The following IKZF1 variants were observed in gnomAD, a reference collection of about 807,000 sequenced individuals.
The protein encoded by IKZF1 is IKAROS family zinc finger 1, also known as DNA-binding protein Ikaros.
A neutral mutation model predicts 51.7 loss-of-function variants in IKZF1; 10 were observed. The observed-to-expected ratio is 0.19, with a 90% CI of 0.12 to 0.33. The LOEUF is 0.33. IKZF1 is among the 10% of genes least tolerant of loss of function. The pLI is 1.00. For missense variants in IKZF1, 484 were observed against 707.5 expected, an observed-to-expected ratio of 0.68 and a Z score of 3.58; for synonymous variants, 280 against 282.3, an observed-to-expected ratio of 0.99 and a Z score of 0.08.
chr7:50,327,456 G>T, intron 2 of IKZF1, 182 bp from the exon 3 acceptor site: 1 of 563,692 alleles, frequency 1.8e-6, no homozygotes, highest in South Asian at 3.0e-5. Flanking sequence ...TCTCTCATTT[G>T]TATTGTGTGG....
intron 1 of IKZF1, among the ~76,000 whole-genome samples, chr7:50,311,964 A>T (rs1790282300): frequency 6.6e-6 from 1 of 152,024 alleles, no homozygotes; most frequent in South Asian, 2.1e-4. Context: ...GTAAATTACC[A>T]AAAAAATAAT....
At chr7:50,399,193 C>T (rs757149892) in intron 7 of IKZF1, among the ~76,000 whole-genome samples, 1 of 152,196 alleles carries the variant, frequency 6.6e-6, no homozygotes, top group Non-Finnish European at 1.5e-5. Flanking sequence ...GCTGTGCCTC[C>T]TACCCTCCAC....
chr7:50,388,398 T>C (rs1814048534), intron 6 of IKZF1: 1 of 152,214 alleles, frequency 6.6e-6, no homozygotes, highest in Non-Finnish European at 1.5e-5. Flanking sequence ...AGATTATTAA[T>C]GGCAGATGAG....
At position 50,401,517 on chromosome 7, in the gene IKZF1, T is replaced by A. The variant is rs1818126303; in HGVS notation, c.*890T>A. On this transcript the variant is annotated 3_prime_UTR_variant, in exon 8 of 8. Coordinates refer to ENST00000331340, the MANE Select transcript of IKZF1 (RefSeq NM_006060.6). ...AACACCAGTCCCGAAATTTGGATCT[T>A]CTTTCTTTTTGAATCTCTCAAACGG... 1 of 224,116 alleles carries A rather than the reference T, an allele frequency of 4.5e-6. No individual in the cohort carries two copies. The highest frequency in any genetic ancestry group is 5.7e-5 in the Admixed American group (1 of 17,432). 13.9% of individuals were successfully genotyped at this position (224,116 alleles called of 1,614,324 possible). A position where few individuals can be genotyped will look rare whatever the true frequency, so the allele number is the denominator to read the frequency against.
intron 1 of IKZF1, among the ~76,000 whole-genome samples, chr7:50,315,939 G>A (rs1791439533): frequency 6.6e-6 from 1 of 152,206 alleles, no homozygotes. Context: ...ACAAAGGAGT[G>A]TGACAGGACT....
At chr7:50,397,125 T>C (rs574918282) in intron 7 of IKZF1, among the ~76,000 whole-genome samples, 11 of 152,350 alleles carry the variant, frequency 7.2e-5, no homozygotes, top group Middle Eastern at 3.4e-3. Context: ...ACCTAAAGAT[T>C]TGGAAATGAG....
intron 3 of IKZF1, among the ~76,000 whole-genome samples, chr7:50,359,103 A>T (rs977663785): frequency 3.0e-4 from 46 of 152,090 alleles, no homozygotes; most frequent in African/African-American, 1.1e-3. Context: ...CTACAAAAAA[A>T]TACAAAAATT....
chr7:50,356,547 G>A (rs1193253098), intron 3 of IKZF1, among the ~76,000 whole-genome samples: 3 of 152,200 alleles, frequency 2.0e-5, no homozygotes, highest in Admixed American at 1.3e-4. Context: ...GTGTGTCTGT[G>A]TGTGCACGGC....
At chr7:50,370,237 CCAAA>C (rs1308986442) in intron 3 of IKZF1, among the ~76,000 whole-genome samples, 8 of 152,052 alleles carry the variant, frequency 5.3e-5, no homozygotes, top group East Asian at 1.9e-4. Flanking sequence ...GTTCTGAGTA[CCAAA>C]CATTTACTTT....
chr7:50,363,652 A>G (rs1391720437), intron 3 of IKZF1, among the ~76,000 whole-genome samples: 1 of 152,236 alleles, frequency 6.6e-6, no homozygotes, highest in African/African-American at 2.4e-5. Context: ...GATGGCAGCC[A>G]GTGTTCTCTT....
In IKZF1 at chr7:50,400,056, T is replaced by C; in HGVS notation, c.989T>C (p.Leu330Pro). 6 of 1,605,930 alleles carry C rather than the reference T, an allele frequency of 3.7e-6. No homozygotes were observed. The highest frequency in any genetic ancestry group is 5.1e-6 in the Non-Finnish European group (6 of 1,176,830). ...CTGGGGGCCGAGTCCCTGCGCCCGC[T>C]GGTGCAGACGCCCCCGGGCGGTTCC... Reference protein sequence around the residue: ...NYLGAESLRPLVQTPPGGSEV... With the variant: ...NYLGAESLRPPVQTPPGGSEV... The change falls in exon 8 of 8, where the codon CTG becomes CCG. Residue 330 changes from leucine (L) to proline (P), a missense_variant. Physicochemically the swap from Leu to Pro is moderately conservative, Grantham distance 98. Transcript: ENST00000331340. The surrounding 1 kb of genome is among the most constrained non-coding windows in gnomAD (Gnocchi z 5.4).
chr7:50,403,813 CT>C lies in IKZF1; in HGVS notation c.*3192del. On this transcript the variant is annotated 3_prime_UTR_variant, in exon 8 of 8. Transcript: ENST00000331340. ...TGGTTCCCCACCGACCATTTTTGTG[CT>C]TTTTTCTTGTTTTGTTTTGTTTTGA... is the stretch of plus-strand genomic sequence containing the variant. 1 of 225,034 alleles carries C rather than the reference CT, an allele frequency of 4.4e-6. No homozygotes were observed. The highest frequency in any genetic ancestry group is 8.9e-6 in the Non-Finnish European group (1 of 112,526). 13.9% of individuals were successfully genotyped at this position (225,034 alleles called of 1,614,324 possible).
intron 2 of IKZF1, among the ~76,000 whole-genome samples, chr7:50,326,012 T>C (rs1794908696): frequency 6.6e-6 from 1 of 152,224 alleles, no homozygotes; most frequent in Non-Finnish European, 1.5e-5. Context: ...ACAGCTAAGC[T>C]GGAATATTAA....
At chr7:50,372,167 C>A (rs141976178) in intron 3 of IKZF1, among the ~76,000 whole-genome samples, 2 of 152,336 alleles carry the variant, frequency 1.3e-5, no homozygotes, top group African/African-American at 4.8e-5. Flanking sequence ...GGATAAGAGA[C>A]CCCCGTTTTC....
intron 3 of IKZF1, among the ~76,000 whole-genome samples, chr7:50,372,210 C>T (rs947225695): frequency 6.6e-6 from 1 of 152,210 alleles, no homozygotes; most frequent in African/African-American, 2.4e-5. Context: ...CAGAAGTCTC[C>T]TGATCTTGTC....
intron 3 of IKZF1, among the ~76,000 whole-genome samples, chr7:50,344,988 T>C (rs1799998297): frequency 1.3e-5 from 2 of 151,740 alleles, no homozygotes; most frequent in South Asian, 4.2e-4. Context: ...CCATTAAAAG[T>C]AATAGCAAAA....
At chr7:50,379,321 G>A (rs1811185909) in intron 4 of IKZF1, among the ~76,000 whole-genome samples, 3 of 152,214 alleles carry the variant, frequency 2.0e-5, no homozygotes, top group African/African-American at 2.4e-5. Context: ...CCTGCCCATG[G>A]CTGAGTCAGC....
intron 5 of IKZF1, 58 bp downstream of exon 5, chr7:50,382,765 G>C: frequency 6.5e-7 from 1 of 1,534,240 alleles, no homozygotes; most frequent in Non-Finnish European, 8.7e-7. Context: ...CCTCCACTCT[G>C]CCCGCCTGGG....
chr7:50,347,666 C>T (rs185624754), intron 3 of IKZF1, among the ~76,000 whole-genome samples: 68 of 152,184 alleles, frequency 4.5e-4, no homozygotes, highest in African/African-American at 1.5e-3. Context: ...TTTTTATTTT[C>T]GTGAGTGGAA....
Sources: allele counts gnomAD v4.1 joint callset (sites outside exome capture counted in the v4.1 genomes callset), GRCh38; gene constraint gnomAD v4.1.1; non-coding constraint Gnocchi (gnomAD v3.1); transcripts MANE v1.5; gene names NCBI Gene and HGNC (gene_info 2026-07-23, HGNC 2026-07-21).